The following PIGK variants were observed in gnomAD, a reference collection of about 807,000 sequenced individuals.
PIGK encodes the protein phosphatidylinositol glycan anchor biosynthesis class K, also known as GPI-anchor transamidase.
PIGK carries 42 observed loss-of-function variants against 50.6 expected under a neutral mutation model. The observed-to-expected ratio is 0.83, with a 90% CI of 0.65 to 1.07. The LOEUF (loss-of-function observed/expected upper bound fraction) is 1.07. Among genes scored for constraint, PIGK ranks in the 50% least tolerant of loss-of-function variants. The pLI is 0.00. For missense variants in PIGK, 448 were observed against 488.7 expected (o/e 0.92, Z 0.78); for synonymous variants, 151 against 156.0 (o/e 0.97, Z 0.24).
At chr1:77,177,215 G>C (rs941801268) in intron 3 of PIGK, among the ~76,000 whole-genome samples, 3 of 152,226 alleles carry the variant, frequency 2.0e-5, no homozygotes, top group African/African-American at 7.2e-5. Context: ...ACTGAGGACA[G>C]TCAACCCCTT....
At chr1:77,102,703 C>T (rs748839373) in intron 10 of PIGK, among the ~76,000 whole-genome samples, 6 of 152,144 alleles carry the variant, frequency 3.9e-5, no homozygotes, top group Admixed American at 6.5e-5. Flanking sequence ...CACCAAATTT[C>T]GGTAATTTGT....
rs147088731 is a variant in PIGK at position 77,144,078 on chromosome 1, T to G, written c.986+10371A>C. Reference sequence around the variant, plus strand: ...AGTAGTTTTCCCAAGGTTACATAGCTAGTAAACGGCAGAGGATCTGAATTT... The same window carrying G: ...AGTAGTTTTCCCAAGGTTACATAGCGAGTAAACGGCAGAGGATCTGAATTT... On this transcript the variant is annotated intron_variant, in intron 9 of 10. Coordinates refer to ENST00000370812, the MANE Select transcript of PIGK (RefSeq NM_005482.3). Among the ~76,000 whole-genome samples the G allele has an allele frequency of 2.5e-3, 387 of 152,166 alleles. 2 individuals carry two copies. The highest frequency in any genetic ancestry group is 8.3e-3 in the African/African-American group (344 of 41,576).
chr1:77,147,749 C>A (rs183621052), intron 9 of PIGK, among the ~76,000 whole-genome samples: 2 of 152,340 alleles, frequency 1.3e-5, no homozygotes, highest in Non-Finnish European at 2.9e-5. Flanking sequence ...AATCAAGTTA[C>A]CTAAGCAAAG....
chr1:77,205,472 A>G (rs2100585435), intron 3 of PIGK, among the ~76,000 whole-genome samples: 1 of 151,942 alleles, frequency 6.6e-6, no homozygotes, highest in South Asian at 2.1e-4. Context: ...AGACTGTAAT[A>G]TAACTTTGTT....
chr1:77,218,729 C>T (rs1182457669), intron 1 of PIGK, among the ~76,000 whole-genome samples: 2 of 152,024 alleles, frequency 1.3e-5, no homozygotes, highest in Non-Finnish European at 2.9e-5. Context: ...ATAGTAAAAG[C>T]ATTATAGAGC....
At chr1:77,190,140 C>T (rs1373301444) in intron 3 of PIGK, among the ~76,000 whole-genome samples, 3 of 151,930 alleles carry the variant, frequency 2.0e-5, no homozygotes, top group African/African-American at 4.8e-5. Context: ...GTAATCTTGA[C>T]ACTTTGGGAA....
intron 10 of PIGK, among the ~76,000 whole-genome samples, chr1:77,094,351 G>C (rs1054070785): frequency 1.1e-4 from 16 of 152,048 alleles, no homozygotes; most frequent in African/African-American, 3.6e-4. Flanking sequence ...CTGTAAAAAA[G>C]TTAAATACAT....
In PIGK at chr1:77,136,536, C is replaced by CAAAAA. The variant is rs778130093; in HGVS notation, c.987-14182_987-14178dup. Among the ~76,000 whole-genome samples, 14 of 63,652 alleles carry CAAAAA rather than the reference C, an allele frequency of 2.2e-4. 1 individual carries two copies. Among genetic ancestry groups the CAAAAA allele is most frequent in the African/African-American group, 7.4e-4 (12 of 16,112 alleles). The allele number at this position is 63,652 out of a possible 152,430, so 41.8% of individuals were successfully genotyped here. A position where few individuals can be genotyped will look rare whatever the true frequency, so the allele number is the denominator to read the frequency against. On this transcript the variant is annotated intron_variant, in intron 9 of 10. Coordinates refer to ENST00000370812, the MANE Select transcript of PIGK (RefSeq NM_005482.3). The stretch of plus-strand genomic sequence containing the variant: ...TGGGCGACAGAGCGAGACTCCGTCT[C>CAAAAA]AAAAAAAAAAAAAAAAAAAAAAAAG...
intron 9 of PIGK, among the ~76,000 whole-genome samples, chr1:77,136,750 C>T (rs1406743487): frequency 6.6e-6 from 1 of 152,016 alleles, no homozygotes; most frequent in African/African-American, 2.4e-5. Flanking sequence ...CTTATATTGC[C>T]TTTTGCTCAT....
intron 3 of PIGK, among the ~76,000 whole-genome samples, chr1:77,182,363 T>C (rs1428335688): frequency 6.6e-6 from 1 of 152,162 alleles, no homozygotes; most frequent in African/African-American, 2.4e-5. Flanking sequence ...TTCTTTATAT[T>C]CTAGCCATAC....
chr1:77,144,122 A>G (rs534911588), intron 9 of PIGK, among the ~76,000 whole-genome samples: 5 of 152,154 alleles, frequency 3.3e-5, no homozygotes, highest in African/African-American at 4.8e-5. Flanking sequence ...ATTGATTCCA[A>G]TGACTTTGCT....
At chr1:77,204,390 C>G (rs1046065238) in intron 3 of PIGK, among the ~76,000 whole-genome samples, 5 of 152,088 alleles carry the variant, frequency 3.3e-5, no homozygotes, top group African/African-American at 4.8e-5. Context: ...AATGATAATG[C>G]GTGCCCAGTG....
intron 9 of PIGK, among the ~76,000 whole-genome samples, chr1:77,137,165 T>A (rs1316502095): frequency 6.6e-6 from 1 of 152,078 alleles, no homozygotes; most frequent in Non-Finnish European, 1.5e-5. Flanking sequence ...ATGGATAACC[T>A]CCTGGAGGAT....
intron 3 of PIGK, among the ~76,000 whole-genome samples, chr1:77,191,447 AGCACCAAAAG>A (rs1447670101): frequency 6.6e-6 from 1 of 152,206 alleles, no homozygotes; most frequent in Admixed American, 6.5e-5. Context: ...AACCTTGCTT[AGCACCAAAAG>A]ATTTTAACAG....
chr1:77,119,837 G>A (rs552246883), intron 10 of PIGK, among the ~76,000 whole-genome samples: 1 of 152,276 alleles, frequency 6.6e-6, no homozygotes, highest in Non-Finnish European at 1.5e-5. Context: ...AGGGAAAAGA[G>A]GTGGTCCTGG....
intron 1 of PIGK, among the ~76,000 whole-genome samples, chr1:77,218,263 C>T (rs1031065199): frequency 1.3e-5 from 2 of 152,182 alleles, no homozygotes; most frequent in Non-Finnish European, 2.9e-5. Flanking sequence ...AGAAGAATAA[C>T]CTGATCAGGC....
chr1:77,142,710 T>A (rs1001439854), intron 9 of PIGK, among the ~76,000 whole-genome samples: 1 of 151,930 alleles, frequency 6.6e-6, no homozygotes, highest in African/African-American at 2.4e-5. Context: ...TATAAAACCA[T>A]CAGATCTTAT....
chr1:77,139,134 C>T (rs1385980634), intron 9 of PIGK, among the ~76,000 whole-genome samples: 1 of 151,974 alleles, frequency 6.6e-6, no homozygotes, highest in African/African-American at 2.4e-5. Flanking sequence ...CACACAAAGC[C>T]ATTCTAACTC....
At chr1:77,200,285 G>A (rs964507661) in intron 3 of PIGK, among the ~76,000 whole-genome samples, 7 of 151,762 alleles carry the variant, frequency 4.6e-5, no homozygotes, top group African/African-American at 1.5e-4. Flanking sequence ...GAATACTGAA[G>A]AAGCATGAAG....
Sources: allele counts gnomAD v4.1 joint callset (sites outside exome capture counted in the v4.1 genomes callset), GRCh38; gene constraint gnomAD v4.1.1; transcripts MANE v1.5; gene names NCBI Gene and HGNC (gene_info 2026-07-23, HGNC 2026-07-21).